Variants in CTNNA3 observed in about 807,000 individuals in gnomAD.
CTNNA3 encodes catenin alpha-3.
In CTNNA3, 76 loss-of-function variants were observed where a neutral mutation model predicts 95.7. The ratio of observed to expected loss-of-function variants is 0.79; its 90% CI spans 0.66 to 0.96. The LOEUF is 0.96. CTNNA3 is among the 40% of genes least tolerant of loss of function. The probability of loss-of-function intolerance (pLI) is 0.00; values close to 1 mark genes in which losing one functional copy is unlikely to be tolerated. For synonymous variants in CTNNA3, 431 were observed against 374.4 expected, an observed-to-expected ratio of 1.15 and a Z score of -1.74; for missense variants, 1,191 against 1,089.8, an observed-to-expected ratio of 1.09 and a Z score of -1.31.
At chr10:67,278,199 A>G (rs1358324513) in intron 5 of CTNNA3, among the ~76,000 whole-genome samples, 2 of 152,188 alleles carry the variant, frequency 1.3e-5, no homozygotes, top group Non-Finnish European at 2.9e-5. Flanking sequence ...TGGAATGTGC[A>G]AGGTAAAAGC....
At chr10:66,708,935 C>A (rs1848206691) in intron 9 of CTNNA3, among the ~76,000 whole-genome samples, 1 of 151,962 alleles carries the variant, frequency 6.6e-6, no homozygotes, top group Non-Finnish European at 1.5e-5. Context: ...ATTTTTCTAT[C>A]TTGTATTTTC....
intron 11 of CTNNA3, among the ~76,000 whole-genome samples, chr10:66,507,765 G>A (rs188810439): frequency 6.6e-6 from 1 of 151,422 alleles, no homozygotes; most frequent in Non-Finnish European, 1.5e-5. Flanking sequence ...TGGACATTTA[G>A]GTTCATTCCA....
intron 11 of CTNNA3, among the ~76,000 whole-genome samples, chr10:66,452,726 G>A (rs2093472373): frequency 6.6e-6 from 1 of 152,030 alleles, no homozygotes; most frequent in South Asian, 2.1e-4. Flanking sequence ...GATTTTTGAG[G>A]TATTTTTTAG....
intron 3 of CTNNA3, among the ~76,000 whole-genome samples, chr10:67,566,670 G>T (rs1227292872): frequency 6.6e-6 from 1 of 151,936 alleles, no homozygotes; most frequent in Non-Finnish European, 1.5e-5. Context: ...CCCATTACTG[G>T]GTATATACCC....
chr10:67,303,067 G>A (rs1168180210), intron 5 of CTNNA3, among the ~76,000 whole-genome samples: 3 of 152,170 alleles, frequency 2.0e-5, no homozygotes, highest in Non-Finnish European at 4.4e-5. Context: ...CATCTGTATT[G>A]TAATAAACTC....
At chr10:65,993,605 T>C (rs2078588514) in intron 15 of CTNNA3, among the ~76,000 whole-genome samples, 3 of 152,220 alleles carry the variant, frequency 2.0e-5, no homozygotes, top group Non-Finnish European at 1.5e-5. Flanking sequence ...AAATATCTTT[T>C]TCAATCCTTT....
intron 9 of CTNNA3, among the ~76,000 whole-genome samples, chr10:66,642,026 A>G (rs187567167): frequency 6.6e-6 from 1 of 152,208 alleles, no homozygotes; most frequent in Non-Finnish European, 1.5e-5. Flanking sequence ...CAAAAGAACC[A>G]TTATAGATAA....
intron 5 of CTNNA3, among the ~76,000 whole-genome samples, chr10:67,305,355 A>G (rs758107833): frequency 2.2e-5 from 3 of 136,080 alleles, no homozygotes; most frequent in Non-Finnish European, 3.1e-5. Context: ...CCTAAAACTT[A>G]GAGTATAATA....
chr10:66,329,459 C>G (rs1029148470), intron 12 of CTNNA3, among the ~76,000 whole-genome samples: 9 of 151,892 alleles, frequency 5.9e-5, no homozygotes, highest in African/African-American at 1.7e-4. Context: ...GTGGCCTACT[C>G]AAATGAACGC....
At chr10:66,023,870 A>G (rs2079276118) in intron 15 of CTNNA3, among the ~76,000 whole-genome samples, 1 of 152,184 alleles carries the variant, frequency 6.6e-6, no homozygotes, top group African/African-American at 2.4e-5. Context: ...TAGAAAAAAA[A>G]TTACAAGCTT....
At chr10:67,550,056 T>C (rs1035312548) in intron 3 of CTNNA3, among the ~76,000 whole-genome samples, 23 of 152,186 alleles carry the variant, frequency 1.5e-4, no homozygotes, top group African/African-American at 4.3e-4. Flanking sequence ...TTGATATATA[T>C]AAATGTGGCC....
chr10:66,700,101 T>C (rs1198047487), intron 9 of CTNNA3, among the ~76,000 whole-genome samples: 3 of 152,204 alleles, frequency 2.0e-5, no homozygotes, highest in Non-Finnish European at 2.9e-5. Flanking sequence ...ATAGTTTGTC[T>C]TTTTATTCTG....
intron 12 of CTNNA3, among the ~76,000 whole-genome samples, chr10:66,311,628 T>G (rs2092022460): frequency 6.6e-6 from 1 of 152,200 alleles, no homozygotes; most frequent in African/African-American, 2.4e-5. Context: ...GTGATGTGTA[T>G]TCAACCTGCA....
intron 13 of CTNNA3, among the ~76,000 whole-genome samples, chr10:66,190,224 C>A (rs1018118257): frequency 6.6e-6 from 1 of 152,054 alleles, no homozygotes; most frequent in Non-Finnish European, 1.5e-5. Context: ...CAGTAATAGG[C>A]AATTTCTCAT....
At chr10:67,100,565 C>G (rs1444560636) in intron 7 of CTNNA3, among the ~76,000 whole-genome samples, 1 of 151,656 alleles carries the variant, frequency 6.6e-6, no homozygotes, top group African/African-American at 2.4e-5. Flanking sequence ...TTTCCTCCTT[C>G]TAACCCCCAT....
chr10:66,318,276 A>ATATATATGTGTGTGTGTG (rs33943741), intron 12 of CTNNA3, among the ~76,000 whole-genome samples: 4 of 136,602 alleles, frequency 2.9e-5, no homozygotes, highest in South Asian at 2.4e-4. Context: ...ATATATATAT[A>ATATATATGTGTGTGTGTG]TGTGTGTGTG....
intron 5 of CTNNA3, among the ~76,000 whole-genome samples, chr10:67,245,087 G>A (rs544556502): frequency 4.3e-4 from 66 of 151,908 alleles, no homozygotes; most frequent in Non-Finnish European, 6.2e-4. Context: ...GTATCTCTGT[G>A]ACCCCACTCC....
At chr10:66,322,981 T>C (rs1423643293) in intron 12 of CTNNA3, among the ~76,000 whole-genome samples, 3 of 151,752 alleles carry the variant, frequency 2.0e-5, no homozygotes, top group Non-Finnish European at 4.4e-5. Context: ...CCCATACTCC[T>C]GCTTGAACTG....
At chr10:67,726,245 T>C (rs1309208218) in intron 1 of CTNNA3, among the ~76,000 whole-genome samples, 1 of 98,668 alleles carries the variant, frequency 1.0e-5, no homozygotes, top group African/African-American at 4.4e-5. Context: ...TATTATATAT[T>C]ATATATAATA....
Sources: gnomAD v4.1 joint callset for allele counts (sites outside exome capture counted in the v4.1 genomes callset) on GRCh38, gnomAD v4.1.1 for gene constraint, MANE v1.5 for transcripts, NCBI Gene and HGNC (gene_info 2026-07-23, HGNC 2026-07-21) for gene names.